Variants in ERICH3 observed in about 807,000 individuals in gnomAD.
ERICH3 encodes glutamate-rich protein 3.
In ERICH3, 126 loss-of-function variants were observed where a neutral mutation model predicts 131.1. The observed-to-expected ratio is 0.96, with a 90% CI of 0.83 to 1.11. ERICH3 has a LOEUF of 1.11. Among genes scored for constraint, ERICH3 ranks in the 50% most tolerant of loss-of-function variants. ERICH3 has a pLI of 0.00. For synonymous variants in ERICH3, 695 were observed against 644.6 expected (o/e 1.08, Z -1.18); for missense variants, 2,050 against 1,810.7 (o/e 1.13, Z -2.40).
At chr1:74,628,770 G>A (rs1482189936) in intron 7 of ERICH3, among the ~76,000 whole-genome samples, 1 of 151,790 alleles carries the variant, frequency 6.6e-6, no homozygotes, top group Non-Finnish European at 1.5e-5. Context: ...AAGACAAAAA[G>A]TAATATGACA....
At chr1:74,667,879 G>T (rs962816409) in intron 1 of ERICH3, among the ~76,000 whole-genome samples, 6 of 152,048 alleles carry the variant, frequency 3.9e-5, no homozygotes, top group Non-Finnish European at 7.4e-5. Flanking sequence ...GAGGGACCTG[G>T]TAGGAGGTGA....
Position 74,599,862 on chromosome 1 carries a change from T to A in ERICH3, c.1559A>T (p.Asp520Val). The change falls in exon 11 of 15, where the codon GAT becomes GTT. Residue 520 changes from aspartate (D) to valine (V), a missense_variant. Coordinates refer to ENST00000326665, the MANE Select transcript of ERICH3 (RefSeq NM_001002912.5). The stretch of plus-strand genomic sequence containing the variant: ...CTGCGGTATTCCATTCATTTGAACA[T>A]CAGCCTGTCCTTCTTCATTAGATTT... ...GEKSNEEGQA[D>V]VQMNGIPQSP... 1 of 1,612,456 alleles carries A rather than the reference T, an allele frequency of 6.2e-7. No individual in the cohort carries two copies. Among genetic ancestry groups the A allele is most frequent in the Non-Finnish European group, 8.5e-7 (1 of 1,178,960 alleles).
At chr1:74,610,725 T>C (rs1438966191) in intron 9 of ERICH3, among the ~76,000 whole-genome samples, 1 of 151,972 alleles carries the variant, frequency 6.6e-6, no homozygotes, top group African/African-American at 2.4e-5. Flanking sequence ...TCTCCAGCCT[T>C]TGTTTTTCTC....
In ERICH3 at chr1:74,589,625, ACTTACCAC is replaced by A; in HGVS notation, c.2174_2176+5del. 1 of 1,613,002 alleles carries A rather than the reference ACTTACCAC, an allele frequency of 6.2e-7. No homozygotes were observed. Among genetic ancestry groups the A allele is most frequent in the Non-Finnish European group, 8.5e-7 (1 of 1,179,356 alleles). On this transcript the variant is annotated splice_donor_variant and splice_donor_5th_base_variant and coding_sequence_variant and intron_variant, in exon 12 of 15. Coordinates refer to ENST00000326665, the MANE Select transcript of ERICH3 (RefSeq NM_001002912.5). LOFTEE classifies it high-confidence loss of function. ...GATGGCAGCTCAACTCAACGGCCAT[ACTTACCAC>A]CTTCCTCCAACCCAGGGAGACCTGC...
chr1:74,649,229 G>C lies in ERICH3; in HGVS notation c.110C>G (p.Ser37Ter). ...NTRIRRHLLRSGLITRSGRIL... is the reference protein window; with the variant it reads ...NTRIRRHLLR ...AAGTAAACCAAAACTTACCAGTCCT[G>C]ATCTTAAGAGATGACGCCTTATCCT... The change falls in exon 2 of 15, where the codon TCA (serine) becomes TGA (stop). Residue 37 changes from serine (S) to a stop codon, truncating the protein, a stop_gained. Transcript: ENST00000326665. LOFTEE classifies it high-confidence loss of function. The C allele has an allele frequency of 6.2e-7, 1 of 1,609,056 alleles. No homozygotes were observed. Among genetic ancestry groups the C allele is most frequent in the South Asian group, 1.1e-5 (1 of 90,478 alleles).
chr1:74,648,098 T>A (rs1009221110), intron 2 of ERICH3, among the ~76,000 whole-genome samples: 1 of 152,132 alleles, frequency 6.6e-6, no homozygotes, highest in Non-Finnish European at 1.5e-5. Context: ...TGGGTGACCC[T>A]GAACACTGCT....
rs531529930 is a variant in ERICH3, at chr1:74,640,944, G to T, written c.444+387C>A. Among the ~76,000 whole-genome samples, 5 of 152,226 alleles carry T rather than the reference G, an allele frequency of 3.3e-5. No individual in the cohort carries two copies. The South Asian group carries it at 1.0e-3, about 32-fold the overall frequency. ...GTCCCATTTTGCTACATTGAAGGGTGCTAAAGAGTAATCATGCAGAAAAAA... is the reference window on the plus strand; with the variant it reads ...GTCCCATTTTGCTACATTGAAGGGTTCTAAAGAGTAATCATGCAGAAAAAA... On this transcript the variant is annotated intron_variant, in intron 5 of 14. Transcript: ENST00000326665.
At chr1:74,614,386 A>AAAT (rs1553164574) in intron 8 of ERICH3, among the ~76,000 whole-genome samples, 26 of 151,120 alleles carry the variant, frequency 1.7e-4, no homozygotes, top group Non-Finnish European at 3.3e-4. Context: ...AAAAAAAAAA[A>AAAT]AAACTCGGCC....
At chr1:74,584,746 T>G (rs769733629) in intron 12 of ERICH3, among the ~76,000 whole-genome samples, 4 of 152,160 alleles carry the variant, frequency 2.6e-5, no homozygotes, top group Non-Finnish European at 5.9e-5. Context: ...AATATAAAAT[T>G]CATGTGGAAA....
At chr1:74,658,469 T>C (rs921670731) in intron 1 of ERICH3, among the ~76,000 whole-genome samples, 16 of 152,128 alleles carry the variant, frequency 1.1e-4, no homozygotes, top group Admixed American at 2.6e-4. Flanking sequence ...CTGTAGTAAG[T>C]AGTGCTTCTC....
chr1:74,597,697 A>G (rs906567660), intron 11 of ERICH3, among the ~76,000 whole-genome samples: 3 of 152,052 alleles, frequency 2.0e-5, no homozygotes, highest in African/African-American at 7.2e-5. Context: ...TTTAAAAAAT[A>G]TCTTTTGAGA....
chr1:74,602,005 G>T (rs1648161045), intron 10 of ERICH3, among the ~76,000 whole-genome samples: 1 of 151,890 alleles, frequency 6.6e-6, no homozygotes, highest in African/African-American at 2.4e-5. Flanking sequence ...ATTGGGTAGT[G>T]AAGGGAGTAG....
At chr1:74,637,858 C>T (rs1646404066) in intron 5 of ERICH3, among the ~76,000 whole-genome samples, 1 of 151,706 alleles carries the variant, frequency 6.6e-6, no homozygotes, top group South Asian at 2.1e-4. Context: ...CTGCAGTGAA[C>T]TGGGACTGTG....
chr1:74,589,240 C>T (rs1570829276), intron 12 of ERICH3: 1 of 274,686 alleles, frequency 3.6e-6, no homozygotes, highest in South Asian at 1.0e-4. Context: ...CACCTATTAA[C>T]ATTAGCTATA....
At chr1:74,586,375 T>TCTAC (rs1647331817) in intron 12 of ERICH3, 1 of 967,626 alleles carries the variant, frequency 1.0e-6, no homozygotes, top group African/African-American at 1.8e-5. Context: ...TCTATACCTA[T>TCTAC]CTACCTACCT....
intron 5 of ERICH3, among the ~76,000 whole-genome samples, chr1:74,640,971 TTG>T: frequency 1.3e-5 from 2 of 152,028 alleles, no homozygotes; most frequent in Non-Finnish European, 2.9e-5. Flanking sequence ...CAGAAAAAAT[TTG>T]GAATAGCTAA....
intron 11 of ERICH3, among the ~76,000 whole-genome samples, chr1:74,594,973 A>T (rs746529148): frequency 6.6e-6 from 1 of 152,134 alleles, no homozygotes; most frequent in African/African-American, 2.4e-5. Flanking sequence ...AATTTAAATG[A>T]TCTCAGTGAC....
At chr1:74,647,335 C>A (rs749165122) in intron 2 of ERICH3, among the ~76,000 whole-genome samples, 5 of 151,974 alleles carry the variant, frequency 3.3e-5, no homozygotes, top group African/African-American at 7.3e-5. Flanking sequence ...GGCAAACATG[C>A]GAGCTACAAA....
chr1:74,572,202 T>A lies in ERICH3; in HGVS notation c.3508A>T (p.Ile1170Leu). The A allele has an allele frequency of 1.9e-6, 3 of 1,614,208 alleles. No individual in the cohort carries two copies. The highest frequency in any genetic ancestry group is 2.5e-6 in the Non-Finnish European group (3 of 1,180,038). ...TPGFEKSLEN[I>L]TALRKEGGGE... ...CCTCCTTCTTTCCTCAGAGCTGTTA[T>A]GTTTTCCAGCGACTTTTCAAATCCA... The change falls in exon 14 of 15, where the codon ATA (isoleucine) becomes TTA (leucine). Residue 1170 changes from isoleucine to leucine, a missense_variant. Transcript: ENST00000326665.
Sources: allele counts gnomAD v4.1 joint callset (sites outside exome capture counted in the v4.1 genomes callset), GRCh38; gene constraint gnomAD v4.1.1; transcripts MANE v1.5; gene names NCBI Gene and HGNC (gene_info 2026-07-23, HGNC 2026-07-21).